The following SNRNP40 variants were observed in gnomAD, a reference collection of about 807,000 sequenced individuals.
SNRNP40 encodes U5 small nuclear ribonucleoprotein 40 kDa protein.
A neutral mutation model predicts 45.8 loss-of-function variants in SNRNP40; 21 were observed. That is an observed-to-expected ratio of 0.46 (90% CI 0.32 to 0.66). SNRNP40 has a LOEUF of 0.66. SNRNP40 is among the 30% of genes least tolerant of loss of function. The pLI, the probability that SNRNP40 is intolerant of heterozygous loss-of-function variation, is 0.03. For missense variants in SNRNP40, 344 were observed against 439.1 expected (o/e 0.78, Z 1.94); for synonymous variants, 142 against 163.8 (o/e 0.87, Z 1.01).
At chr1:31,290,586 A>T (rs1383652548) in intron 3 of SNRNP40, among the ~76,000 whole-genome samples, 4 of 152,224 alleles carry the variant, frequency 2.6e-5, no homozygotes, top group African/African-American at 7.2e-5. Flanking sequence ...AAGATTGTAC[A>T]CACAGTTCTG....
intron 3 of SNRNP40, among the ~76,000 whole-genome samples, chr1:31,290,638 G>A (rs1255780972): frequency 6.6e-6 from 1 of 152,152 alleles, no homozygotes; most frequent in African/African-American, 2.4e-5. Flanking sequence ...AGCATTTTGG[G>A]AGGCCAAGGC....
At chr1:31,273,612 C>T (rs1442730444) in intron 5 of SNRNP40, among the ~76,000 whole-genome samples, 1 of 150,718 alleles carries the variant, frequency 6.6e-6, no homozygotes, top group Non-Finnish European at 1.5e-5. Context: ...TGCATTCCAG[C>T]CTGGGCAACA....
At chr1:31,289,799 C>T (rs1203373796) in intron 3 of SNRNP40, among the ~76,000 whole-genome samples, 1 of 152,220 alleles carries the variant, frequency 6.6e-6, no homozygotes, top group South Asian at 2.1e-4. Flanking sequence ...GACTGTGGTA[C>T]CGACCTGACA....
chr1:31,272,744 G>T (rs1180847342), intron 5 of SNRNP40, among the ~76,000 whole-genome samples: 4 of 151,996 alleles, frequency 2.6e-5, no homozygotes, highest in Non-Finnish European at 5.9e-5. Context: ...TACATAATAA[G>T]CTATTAAGCA....
intron 5 of SNRNP40, among the ~76,000 whole-genome samples, chr1:31,276,672 G>C (rs1645976971): frequency 6.6e-6 from 1 of 152,000 alleles, no homozygotes; most frequent in Non-Finnish European, 1.5e-5. Context: ...GACTGCTTGA[G>C]GCCAGGAGTT....
In SNRNP40 at chr1:31,296,738, T is replaced by C. The variant is rs1245918869; in HGVS notation, c.14A>G (p.Gln5Arg). 4 of 1,608,336 alleles carry C rather than the reference T, an allele frequency of 2.5e-6. No homozygotes were observed. Among genetic ancestry groups the C allele is most frequent in the East Asian group, 2.2e-5 (1 of 44,596 alleles). MIEQ[Q>R]KRKGPELPLV... Reference sequence around the variant, plus strand: ...CGGCAACTCTGGGCCCTTACGCTTCTGCTGTTCTATCATGGCGGCAACCGG... The same window carrying C: ...CGGCAACTCTGGGCCCTTACGCTTCCGCTGTTCTATCATGGCGGCAACCGG... Residue 5 changes from glutamine to arginine, a missense_variant, in exon 1 of 10, where the codon CAG (glutamine) becomes CGG (arginine). Gln to Arg is a conservative substitution (Grantham distance 43). Transcript: ENST00000263694.
chr1:31,266,674 G>A (rs1270755486), intron 8 of SNRNP40, among the ~76,000 whole-genome samples: 1 of 152,200 alleles, frequency 6.6e-6, no homozygotes, highest in African/African-American at 2.4e-5. Flanking sequence ...TTCACATTTT[G>A]TTACACCCTG....
Position 31,261,364 on chromosome 1 carries a change from C to T in SNRNP40, c.1024+165G>A, listed in dbSNP as rs141816903. Among the ~76,000 whole-genome samples, 1,399 of 152,102 alleles carry T rather than the reference C, an allele frequency of 9.2e-3. 25 individuals are homozygous for T. The highest frequency in any genetic ancestry group is 0.03 in the African/African-American group (1,261 of 41,526). Reference sequence around the variant, plus strand: ...ACACTGTCTCAAAAACAAAACAAAACAAAACCCAACAACAAAAAAACCAAC... The same window carrying T: ...ACACTGTCTCAAAAACAAAACAAAATAAAACCCAACAACAAAAAAACCAAC... On this transcript the variant is annotated intron_variant, in intron 9 of 9. Coordinates refer to ENST00000263694, the MANE Select transcript of SNRNP40 (RefSeq NM_004814.3).
At chr1:31,269,932 C>T (rs1645925190) in intron 6 of SNRNP40, among the ~76,000 whole-genome samples, 2 of 152,150 alleles carry the variant, frequency 1.3e-5, no homozygotes, top group African/African-American at 4.8e-5. Flanking sequence ...GATGGAGTTT[C>T]GCTCTTGTTG....
intron 6 of SNRNP40, chr1:31,269,544 A>G: frequency 2.0e-6 from 1 of 505,912 alleles, no homozygotes; most frequent in South Asian, 7.2e-5. Flanking sequence ...GATATTTTGC[A>G]AGATTTCTCT....
At chr1:31,263,228 G>A (rs1355232785) in intron 8 of SNRNP40, 1 of 151,596 alleles carries the variant, frequency 6.6e-6, no homozygotes, top group African/African-American at 2.4e-5. Flanking sequence ...ATAAAAATGT[G>A]ATTTTTTCCT....
chr1:31,281,536 C>G, intron 4 of SNRNP40, 40 bp from the exon 5 acceptor site: 3 of 1,570,180 alleles, frequency 1.9e-6, no homozygotes, highest in Non-Finnish European at 2.6e-6. Context: ...CAACATCATT[C>G]TAAGAAGCAA....
At chr1:31,265,468 A>T (rs1204391622) in intron 8 of SNRNP40, among the ~76,000 whole-genome samples, 3 of 152,188 alleles carry the variant, frequency 2.0e-5, no homozygotes, top group Admixed American at 2.0e-4. Context: ...AGAGAAAAAA[A>T]GGACATTGCA....
chr1:31,278,399 A>G (rs1645991129), intron 5 of SNRNP40, among the ~76,000 whole-genome samples: 3 of 152,224 alleles, frequency 2.0e-5, no homozygotes, highest in Admixed American at 2.0e-4. Context: ...GTGGTAGTGA[A>G]TCTATGCAAA....
intron 5 of SNRNP40, among the ~76,000 whole-genome samples, chr1:31,276,957 C>A (rs1189090886): frequency 6.6e-6 from 1 of 151,966 alleles, no homozygotes; most frequent in African/African-American, 2.4e-5. Flanking sequence ...TCACTTGAGT[C>A]CGGGAGGTGG....
At chr1:31,288,128 A>T (rs1569669395) in intron 4 of SNRNP40, among the ~76,000 whole-genome samples, 1 of 151,604 alleles carries the variant, frequency 6.6e-6, no homozygotes, top group Non-Finnish European at 1.5e-5. Context: ...GTGCCACTGC[A>T]CTCCAGCCTG....
chr1:31,284,179 C>T (rs1389580651), intron 4 of SNRNP40, among the ~76,000 whole-genome samples: 2 of 152,146 alleles, frequency 1.3e-5, no homozygotes, highest in East Asian at 1.9e-4. Context: ...GCCGTGATTG[C>T]GGATCTGTAC....
chr1:31,280,620 C>T (rs1047155878), intron 5 of SNRNP40, among the ~76,000 whole-genome samples: 23 of 152,116 alleles, frequency 1.5e-4, no homozygotes, highest in Non-Finnish European at 4.4e-5. Context: ...TTAAGATCCC[C>T]AAGGAAGCCA....
In SNRNP40 at chr1:31,259,832, A is replaced by G. The variant is rs1230397098; in HGVS notation, c.*240T>C. 2 of 666,392 alleles carry G rather than the reference A, an allele frequency of 3.0e-6. No individual in the cohort carries two copies. The highest frequency in any genetic ancestry group is 4.3e-5 in the Admixed American group (2 of 46,670). The allele number at this position is 666,392 out of a possible 1,614,324, so 41.3% of individuals were successfully genotyped here. On this transcript the variant is annotated 3_prime_UTR_variant, in exon 10 of 10. Transcript: ENST00000263694. ...TAGAAAACAGGAAAAAAGAAAAAGA[A>G]AAAAAAAAACAGTCCCTGAAATCTG...
Sources: gnomAD v4.1 joint callset for allele counts (sites outside exome capture counted in the v4.1 genomes callset) on GRCh38, gnomAD v4.1.1 for gene constraint, MANE v1.5 for transcripts, NCBI Gene and HGNC (gene_info 2026-07-23, HGNC 2026-07-21) for gene names.